The following ACSM2A variants were observed in gnomAD, a reference collection of about 807,000 sequenced individuals.
ACSM2A encodes acyl-CoA synthetase medium chain family member 2A.
In ACSM2A, 72 loss-of-function variants were observed where a neutral mutation model predicts 76.6. That is an observed-to-expected ratio of 0.94 (90% CI 0.78 to 1.14). The LOEUF is 1.14. ACSM2A is among the 50% of genes most tolerant of loss of function. The pLI is 0.00. For missense variants in ACSM2A, 684 were observed against 708.5 expected, an observed-to-expected ratio of 0.97 and a Z score of 0.39; for synonymous variants, 249 against 255.9, an observed-to-expected ratio of 0.97 and a Z score of 0.26.
At chr16:20,465,031 T>G (rs1259789554) in intron 2 of ACSM2A, among the ~76,000 whole-genome samples, 2 of 152,240 alleles carry the variant, frequency 1.3e-5, no homozygotes, top group Non-Finnish European at 2.9e-5. Flanking sequence ...TTTATTCTAA[T>G]TCTTTCACGA....
At chr16:20,470,187 A>G (rs557196547) in intron 4 of ACSM2A, among the ~76,000 whole-genome samples, 2 of 152,302 alleles carry the variant, frequency 1.3e-5, no homozygotes, top group Admixed American at 6.5e-5. Context: ...GTTAACACCA[A>G]GTGGGTTGAA....
intron 13 of ACSM2A, among the ~76,000 whole-genome samples, chr16:20,485,342 C>T (rs554738348): frequency 3.0e-4 from 46 of 152,268 alleles, no homozygotes; most frequent in African/African-American, 9.9e-4. Flanking sequence ...CTCAAGGCAG[C>T]GGATTATTTG....
Position 20,486,783 on chromosome 16 carries a change from T to C in ACSM2A, c.*105T>C. On this transcript the variant is annotated 3_prime_UTR_variant, in exon 14 of 14. Transcript: ENST00000573854. Reference sequence around the variant, plus strand: ...ATATGAGATTCTTTATGGAAGAACATGAATATAAGTTTTGTCTTGCCTTGG... The same window carrying C: ...ATATGAGATTCTTTATGGAAGAACACGAATATAAGTTTTGTCTTGCCTTGG... The C allele has an allele frequency of 7.3e-7, 1 of 1,369,332 alleles. No homozygotes were observed. Among genetic ancestry groups the C allele is most frequent in the Non-Finnish European group, 1.0e-6 (1 of 985,518 alleles). 84.8% of individuals were successfully genotyped at this position (1,369,332 alleles called of 1,614,324 possible). A position where few individuals can be genotyped will look rare whatever the true frequency, so the allele number is the denominator to read the frequency against.
chr16:20,482,963 C>G, intron 12 of ACSM2A, 95 bp from the exon 13 acceptor site: 1 of 1,548,558 alleles, frequency 6.5e-7, no homozygotes, highest in Non-Finnish European at 8.8e-7. Flanking sequence ...TGAGGAGATA[C>G]AAGGGTGATG....
Position 20,478,592 on chromosome 16 carries a change from G to A in ACSM2A, c.1196G>A (p.Gly399Asp), listed in dbSNP as rs758709917. 13 of 1,613,592 alleles carry A rather than the reference G, an allele frequency of 8.1e-6. No individual in the cohort carries two copies. The highest frequency in any genetic ancestry group is 2.2e-5 in the East Asian group (1 of 44,872). Residue 399 changes from glycine to aspartate, a missense_variant, in exon 10 of 14, where the codon GGC (glycine) becomes GAC (aspartate). Around this residue, in one of 3 missense-constraint regions of ACSM2A, gnomAD observed 519 missense variants for 549.5 expected, o/e 0.94. Transcript: ENST00000573854. ...CYDVQIIDDK[G>D]NVLPPGTEGD... Reference sequence around the variant, plus strand: ...TTTCTCCAGATCATAGATGATAAGGGCAACGTCCTGCCCCCCGGCACAGAA... The same window carrying A: ...TTTCTCCAGATCATAGATGATAAGGACAACGTCCTGCCCCCCGGCACAGAA...
In ACSM2A at chr16:20,475,657, T is replaced by G; in HGVS notation, c.982T>G (p.Phe328Val). Residue 328 changes from phenylalanine to valine, a missense_variant, in exon 8 of 14, where the codon TTC (phenylalanine) becomes GTC (valine). By Grantham distance (50) the Phe-to-Val change is conservative (BLOSUM62 -1). This residue lies in a region of ACSM2A where 519 missense variants were observed against 549.5 expected (regional missense o/e 0.94). Coordinates refer to ENST00000573854, the MANE Select transcript of ACSM2A (RefSeq NM_001308172.2). ...LLQQDLSSYK[F>V]PHLQNCVTVG... Reference sequence around the variant, plus strand: ...TTTATTTCTCTTCTTCAGTTACAAGTTCCCCCATCTACAGAACTGCGTCAC... The same window carrying G: ...TTTATTTCTCTTCTTCAGTTACAAGGTCCCCCATCTACAGAACTGCGTCAC... 6.2e-7 allele frequency: 1 copy of G among 1,613,918 alleles called. No individual in the cohort carries two copies. The highest frequency in any genetic ancestry group is 1.3e-5 in the African/African-American group (1 of 75,020).
chr16:20,482,516 A>T (rs2014143764), intron 12 of ACSM2A: 1 of 153,458 alleles, frequency 6.5e-6, no homozygotes, highest in African/African-American at 2.4e-5. Flanking sequence ...TAAGCCTGGC[A>T]CTATCATACC....
intron 8 of ACSM2A, 129 bp from the exon 9 acceptor site, chr16:20,477,240 G>T (rs554142459): frequency 1.4e-6 from 2 of 1,402,726 alleles, no homozygotes; most frequent in Admixed American, 5.3e-5. Flanking sequence ...GGAATGAGGA[G>T]CAGGGGGAGC....
At chr16:20,462,196 T>A (rs1037479889) in intron 2 of ACSM2A, among the ~76,000 whole-genome samples, 2 of 152,166 alleles carry the variant, frequency 1.3e-5, no homozygotes, top group Non-Finnish European at 2.9e-5. Flanking sequence ...TCTGGTTACA[T>A]GACTCCTAAG....
Position 20,460,094 on chromosome 16 carries a change from C to A in ACSM2A, c.-8-13C>A, listed in dbSNP as rs1326136220. 42 of 1,596,658 alleles carry A rather than the reference C, an allele frequency of 2.6e-5. No homozygotes were observed. The highest frequency in any genetic ancestry group is 3.6e-5 in the Non-Finnish European group (42 of 1,170,286). On this transcript the variant is annotated splice_polypyrimidine_tract_variant and intron_variant, in intron 1 of 13. Coordinates refer to ENST00000573854, the MANE Select transcript of ACSM2A (RefSeq NM_001308172.2). The stretch of plus-strand genomic sequence containing the variant: ...AAAGAAGCTCTCACCTGTGTCTCTT[C>A]TTTCTTTTACAGGCCTGAATATGCA...
At chr16:20,472,675 C>T (rs1257291851) in intron 6 of ACSM2A, among the ~76,000 whole-genome samples, 1 of 151,710 alleles carries the variant, frequency 6.6e-6, no homozygotes, top group South Asian at 2.1e-4. Flanking sequence ...TCATTTGATA[C>T]CTATCACCAT....
In ACSM2A at chr16:20,480,826, C is replaced by T. The variant is rs755234990; in HGVS notation, c.1414C>T (p.Arg472Trp). 158 of 1,613,724 alleles carry T rather than the reference C, an allele frequency of 9.8e-5. No homozygotes were observed. The highest frequency in any genetic ancestry group is 1.2e-4 in the Non-Finnish European group (144 of 1,179,850). Residue 472 changes from arginine to tryptophan, a missense_variant, in exon 12 of 14, where the codon CGG becomes TGG. Arg to Trp is a moderately radical substitution (Grantham distance 101). Around this residue, in one of 3 missense-constraint regions of ACSM2A, gnomAD observed 159 missense variants for 132.5 expected, o/e 1.20. Transcript: ENST00000573854. ...ANDIINSSGY[R>W]IGPSEVENAL... ...GAAGGACAGGTTCTTCTGCAGGTAC[C>T]GGATTGGACCCTCGGAGGTAGAGAA...
chr16:20,485,021 T>C (rs2014311466), intron 13 of ACSM2A, among the ~76,000 whole-genome samples: 1 of 152,152 alleles, frequency 6.6e-6, no homozygotes, highest in Non-Finnish European at 1.5e-5. Flanking sequence ...AGTTACTCAA[T>C]AACCTCTGTG....
At position 20,475,444 on chromosome 16, in the gene ACSM2A, G is replaced by C. The variant is rs569053511; in HGVS notation, c.974+3G>C. 303 of 1,613,756 alleles carry C rather than the reference G, an allele frequency of 1.9e-4. 2 individuals carry two copies. In the South Asian group the frequency reaches 3.1e-3, roughly 16 times the overall value. On this transcript the variant is annotated splice_donor_region_variant and intron_variant, in intron 7 of 13. Coordinates refer to ENST00000573854, the MANE Select transcript of ACSM2A (RefSeq NM_001308172.2). The stretch of plus-strand genomic sequence containing the variant: ...TTGCTACAGCAGGATCTTTCCAGGT[G>C]ATGGGGCTTTGAGGATTGGTAAGAG...
At chr16:20,459,590 T>G (rs2012478668) in intron 1 of ACSM2A, among the ~76,000 whole-genome samples, 1 of 152,160 alleles carries the variant, frequency 6.6e-6, no homozygotes, top group Non-Finnish European at 1.5e-5. Context: ...GCAAGTCTCA[T>G]GCAGAGGGGA....
rs1273196469 is a variant in ACSM2A, at chr16:20,475,734, A to C, written c.1059A>C (p.Thr353=). 6.2e-7 allele frequency: 1 copy of C among 1,614,058 alleles called. No individual in the cohort carries two copies. Among genetic ancestry groups the C allele is most frequent in the Non-Finnish European group, 8.5e-7 (1 of 1,179,924 alleles). ...PETLENWRAQ[T]GLDIRESYGQ... ...CTCTGGAGAACTGGAGGGCCCAGAC[A>C]GGACTGGACATCCGAGAATCCTATG... is the stretch of plus-strand genomic sequence containing the variant. The change falls in exon 8 of 14, where the codon ACA becomes ACC. Residue 353 remains threonine (T), a synonymous_variant. Coordinates refer to ENST00000573854, the MANE Select transcript of ACSM2A (RefSeq NM_001308172.2).
At chr16:20,479,989 C>G (rs1596675177) in intron 10 of ACSM2A, among the ~76,000 whole-genome samples, 1 of 152,168 alleles carries the variant, frequency 6.6e-6, no homozygotes, top group African/African-American at 2.4e-5. Context: ...AACTGAACTT[C>G]CAGTCTGGAG....
At chr16:20,483,033 T>G in intron 12 of ACSM2A, 25 bp from the exon 13 acceptor site, 1 of 1,612,748 alleles carries the variant, frequency 6.2e-7, no homozygotes, top group South Asian at 1.1e-5. Context: ...TAATCCCTTC[T>G]CTCTGGCCTT....
chr16:20,458,502 T>G (rs2012344875), intron 1 of ACSM2A, among the ~76,000 whole-genome samples: 1 of 145,588 alleles, frequency 6.9e-6, no homozygotes, highest in Non-Finnish European at 1.5e-5. Flanking sequence ...TACATAATAT[T>G]ACATTATATA....
Sources: gnomAD v4.1 joint callset for allele counts (sites outside exome capture counted in the v4.1 genomes callset) on GRCh38, gnomAD v4.1.1 for gene constraint, gnomAD v4.1.1 regional missense constraint, MANE v1.5 for transcripts, NCBI Gene and HGNC (gene_info 2026-07-23, HGNC 2026-07-21) for gene names.